PHF8: variants seen among roughly 807,000 people sequenced by gnomAD.
PHF8 encodes PHD finger protein 8.
A neutral mutation model predicts 74.4 loss-of-function variants in PHF8; 9 were observed. That is an observed-to-expected ratio of 0.12 (90% CI 0.07 to 0.21). The LOEUF (loss-of-function observed/expected upper bound fraction) is 0.21, where lower values mean the gene tolerates loss of function less well. PHF8 is among the 10% of genes least tolerant of loss of function. The probability of loss-of-function intolerance (pLI) is 1.00; values close to 1 mark genes in which losing one functional copy is unlikely to be tolerated. For synonymous variants in PHF8, 311 were observed against 316.6 expected (o/e 0.98, Z 0.19); for missense variants, 478 against 816.6 (o/e 0.59, Z 5.05).
rs1369749422 is a variant in PHF8 at position 54,033,978 on chromosome X, T to C, written c.98+8653A>G. On this transcript the variant is annotated intron_variant, in intron 2 of 21. Coordinates refer to ENST00000338154, the MANE Select transcript of PHF8 (RefSeq NM_015107.3). ...AAAATAGAAAATCTCTTCAAACAAA[T>C]AGAAGATATAGAAAAGAATCTAACA... is the stretch of plus-strand genomic sequence containing the variant. Among the ~76,000 whole-genome samples the C allele has an allele frequency of 5.5e-5, 6 of 109,160 alleles. No homozygotes were observed. In the South Asian group the frequency reaches 1.5e-3, roughly 27 times the overall value. 94.8% of individuals were successfully genotyped at this position (109,160 alleles called of 115,157 possible). A position where few individuals can be genotyped will look rare whatever the true frequency, so the allele number is the denominator to read the frequency against.
intron 2 of PHF8, among the ~76,000 whole-genome samples, chrX:54,027,230 C>T (rs2066280917): frequency 9.0e-6 from 1 of 110,898 alleles, no homozygotes; most frequent in African/African-American, 3.3e-5. Flanking sequence ...AAACCAAGAC[C>T]TACCCGCCCT....
intron 4 of PHF8, among the ~76,000 whole-genome samples, chrX:54,020,173 C>T (rs782519635): frequency 1.2e-3 from 133 of 111,580 alleles, no homozygotes; most frequent in African/African-American, 4.2e-3. Context: ...GGGACAAGAG[C>T]GAGACATCGT....
At position 53,937,780 on chromosome X, in the gene PHF8, T is replaced by G; in HGVS notation, c.*1378A>C. ...AAGCATTGGGCAAGCTGGGGTGAGG[T>G]TGGAGTGGGTGGTACAGGTGGAAAG... is the stretch of plus-strand genomic sequence containing the variant. On this transcript the variant is annotated 3_prime_UTR_variant, in exon 22 of 22. Coordinates refer to ENST00000338154, the MANE Select transcript of PHF8 (RefSeq NM_015107.3). The G allele has an allele frequency of 5.1e-6, 2 of 389,109 alleles. No individual in the cohort carries two copies. Among genetic ancestry groups the G allele is most frequent in the Non-Finnish European group, 4.5e-6 (1 of 223,525 alleles). The allele number at this position is 389,109 out of a possible 1,213,427, so 32.1% of individuals were successfully genotyped here. A position where few individuals can be genotyped will look rare whatever the true frequency, so the allele number is the denominator to read the frequency against.
intron 8 of PHF8, among the ~76,000 whole-genome samples, chrX:54,008,685 G>A (rs1414984278): frequency 9.0e-6 from 1 of 110,578 alleles, no homozygotes; most frequent in African/African-American, 3.3e-5. Flanking sequence ...GATAAATGCT[G>A]TAACATGGAT....
Position 53,939,147 on chromosome X carries a change from C to A in PHF8, c.*11G>T, listed in dbSNP as rs1557082664. Reference sequence around the variant, plus strand: ...GGGGGTAAAGGGGTGAGGGGTGGGACACAGGAGGGCTCACAGAAGTAGTTT... The same window carrying A: ...GGGGGTAAAGGGGTGAGGGGTGGGAAACAGGAGGGCTCACAGAAGTAGTTT... On this transcript the variant is annotated 3_prime_UTR_variant, in exon 22 of 22. Coordinates refer to ENST00000338154, the MANE Select transcript of PHF8 (RefSeq NM_015107.3). 8.3e-7 allele frequency: 1 copy of A among 1,206,551 alleles called. No homozygotes were observed.
At position 53,990,819 on chromosome X, in the gene PHF8, C is replaced by G. The variant is rs143222467; in HGVS notation, c.1730+1917G>C. Among the ~76,000 whole-genome samples, 612 of 111,461 alleles carry G rather than the reference C, an allele frequency of 5.5e-3. 6 individuals are homozygous for G. Among genetic ancestry groups the G allele is most frequent in the South Asian group, 0.017 (45 of 2,651 alleles). On this transcript the variant is annotated intron_variant, in intron 14 of 21. Transcript: ENST00000338154. ...GTGTTCTGAGTATCTAGAAAATAGC[C>G]CTTACTGCCTTCCCCTGCCTCTATG... is the stretch of plus-strand genomic sequence containing the variant.
intron 19 of PHF8, among the ~76,000 whole-genome samples, chrX:53,960,949 CA>C (rs1284609698): frequency 1.9e-5 from 2 of 108,017 alleles, no homozygotes; most frequent in African/African-American, 6.8e-5. Flanking sequence ...CTGTGCTAAC[CA>C]GAAAAATTTA....
intron 19 of PHF8, among the ~76,000 whole-genome samples, chrX:53,955,239 C>T (rs1056746109): frequency 1.8e-5 from 2 of 110,657 alleles, no homozygotes; most frequent in African/African-American, 3.3e-5. Flanking sequence ...TATCATATCT[C>T]TATTTTTATT....
intron 6 of PHF8, 84 bp downstream of exon 6, chrX:54,016,507 AAGAG>A (rs1416001536): frequency 1.2e-6 from 1 of 821,309 alleles, no homozygotes; most frequent in Non-Finnish European, 1.8e-6. Context: ...AAAAAAAAAA[AAGAG>A]AGAGAAACAC....
At chrX:54,016,522 G>T in intron 6 of PHF8, 73 bp downstream of exon 6, 2 of 796,942 alleles carry the variant, frequency 2.5e-6, no homozygotes, top group Non-Finnish European at 3.8e-6. Flanking sequence ...AGAGAAACAC[G>T]AATATACACT....
chrX:53,960,535 G>A (rs1315434507), intron 19 of PHF8, among the ~76,000 whole-genome samples: 2 of 107,710 alleles, frequency 1.9e-5, no homozygotes, highest in African/African-American at 6.8e-5. Flanking sequence ...AGATCATGAG[G>A]TCAGGAGTTC....
intron 14 of PHF8, among the ~76,000 whole-genome samples, chrX:53,990,530 C>G (rs182145995): frequency 1.2e-3 from 139 of 111,280 alleles, no homozygotes; most frequent in African/African-American, 4.3e-3. Flanking sequence ...TCCAGGAGAC[C>G]TATCATGAGT....
At chrX:53,996,225 T>C (rs2065745518) in intron 11 of PHF8, among the ~76,000 whole-genome samples, 1 of 110,338 alleles carries the variant, frequency 9.1e-6, no homozygotes, top group Non-Finnish European at 1.9e-5. Flanking sequence ...CAAGCGATTC[T>C]CCTGCCTCAG....
intron 10 of PHF8, among the ~76,000 whole-genome samples, chrX:54,000,210 T>C (rs1603327151): frequency 1.8e-5 from 2 of 111,666 alleles, no homozygotes; most frequent in Non-Finnish European, 3.8e-5. Context: ...GCCCAGAAAA[T>C]TGAGGTTCAG....
At chrX:53,974,758 G>A (rs1373663493) in intron 18 of PHF8, among the ~76,000 whole-genome samples, 1 of 112,105 alleles carries the variant, frequency 8.9e-6, no homozygotes, top group African/African-American at 3.2e-5. Flanking sequence ...GTCCACTGCA[G>A]GGACATGGAT....
At chrX:53,942,515 GTTCA>G (rs1262145243) in intron 20 of PHF8, 20 of 123,589 alleles carry the variant, frequency 1.6e-4, no homozygotes, top group Non-Finnish European at 2.8e-4. Flanking sequence ...TCTTTCTTTC[GTTCA>G]TTCATTCATT....
chrX:54,034,536 G>A (rs1557113441), intron 2 of PHF8, among the ~76,000 whole-genome samples: 2 of 111,630 alleles, frequency 1.8e-5, no homozygotes. Flanking sequence ...CTAAAAGAAT[G>A]AGTAGGCTGG....
chrX:53,938,090 G>A lies in PHF8; in HGVS notation c.*1068C>T, dbSNP rs2064693988. 8.6e-7 allele frequency: 1 copy of A among 1,157,324 alleles called. No homozygotes were observed. Among genetic ancestry groups the A allele is most frequent in the Admixed American group, 2.6e-5 (1 of 37,911 alleles). ...AGTGCAAAGGCCCAGGAGTGAAGAT[G>A]TGAGTCCTGAGGTCTTCTTCAGACC... is the stretch of plus-strand genomic sequence containing the variant. On this transcript the variant is annotated 3_prime_UTR_variant, in exon 22 of 22. Transcript: ENST00000338154.
At chrX:53,955,014 ATCT>A (rs1557088248) in intron 19 of PHF8, among the ~76,000 whole-genome samples, 1 of 110,866 alleles carries the variant, frequency 9.0e-6, no homozygotes, top group Non-Finnish European at 1.9e-5. Context: ...GTTCCACACT[ATCT>A]TCTTACAATT....
Sources: gnomAD v4.1 joint callset for allele counts (sites outside exome capture counted in the v4.1 genomes callset) on GRCh38, gnomAD v4.1.1 for gene constraint, MANE v1.5 for transcripts, NCBI Gene and HGNC (gene_info 2026-07-23, HGNC 2026-07-21) for gene names.